The following KANSL1L variants were observed in gnomAD, a reference collection of about 807,000 sequenced individuals.
KANSL1L encodes KAT8 regulatory NSL complex subunit 1-like protein.
In KANSL1L, 25 loss-of-function variants were observed where a neutral mutation model predicts 108.6. The observed-to-expected ratio is 0.23, with a 90% confidence interval of 0.17 to 0.32. The LOEUF (loss-of-function observed/expected upper bound fraction) is 0.32, where lower values mean the gene tolerates loss of function less well. Ranked by LOEUF, KANSL1L falls within the 10% of genes least tolerant of loss-of-function variation. The pLI, the probability that KANSL1L is intolerant of heterozygous loss-of-function variation, is 1.00. For missense variants in KANSL1L, 1,137 were observed against 1,125.7 expected, an observed-to-expected ratio of 1.01 and a Z score of -0.14; for synonymous variants, 405 against 395.1, an observed-to-expected ratio of 1.03 and a Z score of -0.30.
intron 7 of KANSL1L, 128 bp from the exon 8 acceptor site, chr2:210,040,655 T>C (rs2094154944): frequency 2.1e-6 from 1 of 484,804 alleles, no homozygotes; most frequent in Admixed American, 3.9e-5. Context: ...AAGCAAAAGT[T>C]TGAGATGTAA....
intron 6 of KANSL1L, among the ~76,000 whole-genome samples, chr2:210,058,581 C>G (rs2094382932): frequency 6.6e-6 from 1 of 152,094 alleles, no homozygotes; most frequent in African/African-American, 2.4e-5. Flanking sequence ...TGCCTGTAAT[C>G]CCAGCACTTT....
At chr2:210,073,974 C>T (rs1012404011) in intron 6 of KANSL1L, among the ~76,000 whole-genome samples, 5 of 152,248 alleles carry the variant, frequency 3.3e-5, no homozygotes, top group Non-Finnish European at 7.4e-5. Context: ...GAAAACATAA[C>T]ACACTTTTTT....
chr2:210,100,160 T>C (rs1328114650), intron 4 of KANSL1L, among the ~76,000 whole-genome samples: 1 of 152,056 alleles, frequency 6.6e-6, no homozygotes, highest in Non-Finnish European at 1.5e-5. Context: ...TAGATTCTCA[T>C]AGCAGCGCGA....
rs370554466 is a variant in KANSL1L, at chr2:210,154,617, A to G, written c.-29-6T>C. ...TGTAGATAAGTATTGGAAACCTACA[A>G]TAATGTAAAAATAAATGGTCAAATA... On this transcript the variant is annotated splice_polypyrimidine_tract_variant and splice_region_variant and intron_variant, in intron 1 of 14. Transcript: ENST00000281772. 1.4e-4 allele frequency: 190 copies of G among 1,390,934 alleles called. No homozygotes were observed. The highest frequency in any genetic ancestry group is 1.7e-4 in the Non-Finnish European group (185 of 1,066,058). 86.2% of individuals were successfully genotyped at this position (1,390,934 alleles called of 1,614,324 possible). A position where few individuals can be genotyped will look rare whatever the true frequency, so the allele number is the denominator to read the frequency against.
At chr2:210,159,863 G>T (rs1290791195) in intron 1 of KANSL1L, among the ~76,000 whole-genome samples, 1 of 152,016 alleles carries the variant, frequency 6.6e-6, no homozygotes, top group Non-Finnish European at 1.5e-5. Context: ...GTGAAACCCC[G>T]TCTCTACTAA....
At chr2:210,158,028 T>C (rs1158391620) in intron 1 of KANSL1L, among the ~76,000 whole-genome samples, 1 of 152,162 alleles carries the variant, frequency 6.6e-6, no homozygotes, top group Non-Finnish European at 1.5e-5. Context: ...AAAACATATA[T>C]ACAAAATCTC....
At chr2:210,156,795 T>C in intron 1 of KANSL1L, among the ~76,000 whole-genome samples, 1 of 152,032 alleles carries the variant, frequency 6.6e-6, no homozygotes, top group Non-Finnish European at 1.5e-5. Flanking sequence ...AAAGACTAAA[T>C]GCAAAATGAA....
chr2:210,169,387 T>C (rs1202138553), intron 1 of KANSL1L, among the ~76,000 whole-genome samples: 3 of 152,214 alleles, frequency 2.0e-5, no homozygotes, highest in African/African-American at 7.2e-5. Context: ...AATAATGATA[T>C]GCGAATGTCT....
intron 5 of KANSL1L, among the ~76,000 whole-genome samples, chr2:210,081,834 G>A (rs1391448101): frequency 1.3e-5 from 2 of 152,140 alleles, no homozygotes. Context: ...AGCCAAAGAA[G>A]CTCTATTAAA....
At chr2:210,035,739 A>G (rs1247322601) in intron 8 of KANSL1L, among the ~76,000 whole-genome samples, 1 of 152,156 alleles carries the variant, frequency 6.6e-6, no homozygotes, top group African/African-American at 2.4e-5. Flanking sequence ...TCAGCCTCCC[A>G]AAGTGGTAGG....
chr2:210,152,410 A>G (rs1236132388), intron 2 of KANSL1L: 1 of 152,256 alleles, frequency 6.6e-6, no homozygotes, highest in African/African-American at 2.4e-5. Flanking sequence ...ATTAGATGGC[A>G]TAGACATAAA....
chr2:210,121,663 A>C (rs904179704), intron 3 of KANSL1L, among the ~76,000 whole-genome samples: 4 of 152,178 alleles, frequency 2.6e-5, no homozygotes, highest in African/African-American at 9.7e-5. Context: ...GTTTAAAAAG[A>C]AGAAGAAATA....
chr2:210,023,179 ACT>A lies in KANSL1L; in HGVS notation c.2734-2_2734-1del, dbSNP rs1491054743. On this transcript the variant is annotated splice_acceptor_variant, in intron 14 of 14. Transcript: ENST00000281772. LOFTEE classifies it high-confidence loss of function. Reference sequence around the variant, plus strand: ...AAAGCCCGTCGTTCCCACCACAAAGACTGAAAGGGGAAAAATTTTCAGTTAAG... The same window carrying A: ...AAAGCCCGTCGTTCCCACCACAAAGAGAAAGGGGAAAAATTTTCAGTTAAG... 24 of 1,612,254 alleles carry A rather than the reference ACT, an allele frequency of 1.5e-5. No homozygotes were observed. Among genetic ancestry groups the A allele is most frequent in the Non-Finnish European group, 2.0e-5 (24 of 1,178,926 alleles).
chr2:210,108,090 A>T (rs901713415), intron 3 of KANSL1L, among the ~76,000 whole-genome samples: 1 of 152,118 alleles, frequency 6.6e-6, no homozygotes, highest in Non-Finnish European at 1.5e-5. Context: ...TCTTACAATA[A>T]CTCAAGAAGC....
intron 5 of KANSL1L, among the ~76,000 whole-genome samples, chr2:210,086,722 C>T (rs557920762): frequency 1.3e-5 from 2 of 151,960 alleles, no homozygotes; most frequent in African/African-American, 4.8e-5. Context: ...AGAATTATAT[C>T]AAACAAAAGT....
chr2:210,082,075 A>G (rs1330036981), intron 5 of KANSL1L, among the ~76,000 whole-genome samples: 1 of 152,150 alleles, frequency 6.6e-6, no homozygotes, highest in African/African-American at 2.4e-5. Context: ...CTGGGACTAC[A>G]GGTGCATGCC....
chr2:210,153,162 T>C, intron 2 of KANSL1L: 2 of 178,898 alleles, frequency 1.1e-5, no homozygotes, highest in Non-Finnish European at 2.3e-5. Context: ...GAGACCAGCC[T>C]GACCAACATG....
chr2:210,168,037 A>T (rs1272494872), intron 1 of KANSL1L, among the ~76,000 whole-genome samples: 1 of 152,080 alleles, frequency 6.6e-6, no homozygotes, highest in Non-Finnish European at 1.5e-5. Context: ...GAACATACTA[A>T]AAGTAATGTA....
Position 210,040,318 on chromosome 2 carries a change from ATGT to A in KANSL1L, c.2029+99_2029+101del, listed in dbSNP as rs770621524. 17 of 670,728 alleles carry A rather than the reference ATGT, an allele frequency of 2.5e-5. No individual in the cohort carries two copies. The African/African-American group carries it at 3.0e-4, about 12-fold the overall frequency. The allele number at this position is 670,728 out of a possible 1,614,324, so 41.5% of individuals were successfully genotyped here. Reference sequence around the variant, plus strand: ...TGAGTATTAAAAATTAAGGATTTTCATGTATTCTTTTCTTAGATTTTATTTTTC... The same window carrying A: ...TGAGTATTAAAAATTAAGGATTTTCAATTCTTTTCTTAGATTTTATTTTTC... On this transcript the variant is annotated intron_variant, in intron 8 of 14. Coordinates refer to ENST00000281772, the MANE Select transcript of KANSL1L (RefSeq NM_152519.4).
Sources: gnomAD v4.1 joint callset for allele counts (sites outside exome capture counted in the v4.1 genomes callset) on GRCh38, gnomAD v4.1.1 for gene constraint, MANE v1.5 for transcripts, NCBI Gene and HGNC (gene_info 2026-07-23, HGNC 2026-07-21) for gene names.